Variants in ARMCX4 observed in about 807,000 individuals in gnomAD.
ARMCX4 encodes armadillo repeat containing X-linked 4.
In ARMCX4, 3 loss-of-function variants were observed where a neutral mutation model predicts 34.7. The observed-to-expected ratio is 0.09, with a 90% CI of 0.04 to 0.22. ARMCX4 has a LOEUF of 0.22. Among genes scored for constraint, ARMCX4 ranks in the 10% least tolerant of loss-of-function variants. The probability of loss-of-function intolerance (pLI) is 1.00; values close to 1 mark genes in which losing one functional copy is unlikely to be tolerated. For missense variants in ARMCX4, 1,448 were observed against 1,720.8 expected, an observed-to-expected ratio of 0.84 and a Z score of 2.81; for synonymous variants, 513 against 632.8, an observed-to-expected ratio of 0.81 and a Z score of 2.84.
At chrX:101,480,302 T>C (rs1933392855) in intron 4 of ARMCX4, among the ~76,000 whole-genome samples, 1 of 110,920 alleles carries the variant, frequency 9.0e-6, no homozygotes, top group African/African-American at 3.3e-5. Flanking sequence ...TAGCCCTGGC[T>C]CATGCCTGTA....
At chrX:101,454,138 T>G (rs1303442778) in intron 4 of ARMCX4, among the ~76,000 whole-genome samples, 1 of 110,650 alleles carries the variant, frequency 9.0e-6, no homozygotes, top group African/African-American at 3.3e-5. Context: ...ACACTTGGGA[T>G]GGGGTGGGGA....
intron 2 of ARMCX4, among the ~76,000 whole-genome samples, chrX:101,422,382 C>G (rs957388155): frequency 3.7e-5 from 4 of 108,470 alleles, no homozygotes; most frequent in Non-Finnish European, 7.7e-5. Flanking sequence ...GCTGATCAGT[C>G]AGGTTGGAGA....
intron 11 of ARMCX4, among the ~76,000 whole-genome samples, chrX:101,519,349 A>G (rs1286060156): frequency 2.7e-5 from 3 of 111,375 alleles, no homozygotes; most frequent in Non-Finnish European, 5.7e-5. Flanking sequence ...GCTCCTAGCA[A>G]CCACCATTCT....
At chrX:101,526,189 A>G (rs1364227391) in intron 11 of ARMCX4, among the ~76,000 whole-genome samples, 2 of 112,124 alleles carry the variant, frequency 1.8e-5, no homozygotes, top group Non-Finnish European at 3.8e-5. Context: ...CAACATTCTT[A>G]AAGAAAAGAA....
intron 2 of ARMCX4, among the ~76,000 whole-genome samples, chrX:101,432,883 C>A (rs782713388): frequency 1.6e-5 from 1 of 63,953 alleles, no homozygotes; most frequent in Non-Finnish European, 3.1e-5. Flanking sequence ...CATATGTATA[C>A]GTGTGTATAT....
intron 8 of ARMCX4, among the ~76,000 whole-genome samples, chrX:101,508,423 G>A (rs1056471398): frequency 6.3e-5 from 7 of 111,435 alleles, no homozygotes; most frequent in African/African-American, 2.0e-4. Flanking sequence ...CCACCTTCTT[G>A]TTGTGTCGTC....
chrX:101,493,815 T>C lies in ARMCX4; in HGVS notation c.5226T>C (p.Val1742=). Residue 1742 remains valine, a synonymous_variant, in exon 6 of 6, where the codon GTT becomes GTC. Coordinates refer to ENST00000423738, the MANE Select transcript of ARMCX4 (RefSeq NM_001256155.3). ...GGTTTGGGCCTGGAGCTGAGGCCGT[T>C]ATAGGGTCTTGGTGCTGGACAGAGG... ...GFWFGPGAEA[V]IGSWCWTEEK... 1 of 1,152,490 alleles carries C rather than the reference T, an allele frequency of 8.7e-7. No individual in the cohort carries two copies. Among genetic ancestry groups the C allele is most frequent in the Non-Finnish European group, 1.1e-6 (1 of 871,881 alleles). 95.0% of individuals were successfully genotyped at this position (1,152,490 alleles called of 1,213,427 possible). A position where few individuals can be genotyped will look rare whatever the true frequency, so the allele number is the denominator to read the frequency against.
chrX:101,444,759 G>A (rs1408850562), intron 3 of ARMCX4, among the ~76,000 whole-genome samples: 3 of 112,046 alleles, frequency 2.7e-5, no homozygotes, highest in African/African-American at 9.7e-5. Context: ...TTTGATATAT[G>A]TATACAGTGT....
chrX:101,421,203 CAAAAAAAAA>C (rs545262345), intron 2 of ARMCX4, among the ~76,000 whole-genome samples: 1 of 39,168 alleles, frequency 2.6e-5, no homozygotes, highest in African/African-American at 8.5e-5. Flanking sequence ...AACTCTGTCT[CAAAAAAAAA>C]AAAAAAAAAA....
intron 4 of ARMCX4, among the ~76,000 whole-genome samples, chrX:101,471,739 T>G (rs1258134174): frequency 9.0e-6 from 1 of 111,169 alleles, no homozygotes; most frequent in African/African-American, 3.3e-5. Context: ...GACCTGCAGC[T>G]GAGGGTCCTG....
Position 101,490,913 on chromosome X carries a change from T to G in ARMCX4, c.2324T>G (p.Val775Gly). The stretch of plus-strand genomic sequence containing the variant: ...AAGGTCAAGGCCAATCTTAATGCTG[T>G]GTCTAAGGCAGAAGCTGGGATGGGT... ...KNKVKANLNA[V>G]SKAEAGMGAT... The change falls in exon 6 of 6, where the codon GTG becomes GGG. Residue 775 changes from valine (V) to glycine (G), a missense_variant. Transcript: ENST00000423738. The G allele has an allele frequency of 8.7e-7, 1 of 1,154,238 alleles. No homozygotes were observed.
downstream of ARMCX4, among the ~76,000 whole-genome samples, chrX:101,446,405 A>G (rs1483920226): frequency 6.3e-5 from 7 of 111,424 alleles, no homozygotes; most frequent in African/African-American, 2.0e-4. Flanking sequence ...GGGCAGAATA[A>G]AACAAGGGGG....
chrX:101,438,863 T>C (rs1302239078), intron 2 of ARMCX4, among the ~76,000 whole-genome samples: 2 of 111,409 alleles, frequency 1.8e-5, no homozygotes, highest in Non-Finnish European at 3.8e-5. Flanking sequence ...CCTATGTGTG[T>C]CTCTGCATGT....
chrX:101,502,721 T>C (rs1430768110), intron 7 of ARMCX4, among the ~76,000 whole-genome samples: 1 of 107,298 alleles, frequency 9.3e-6, no homozygotes, highest in Non-Finnish European at 2.0e-5. Context: ...TGTTCTTTAT[T>C]TTTTTTTTAT....
At chrX:101,488,357 C>T in intron 5 of ARMCX4, 87 bp from the exon 6 acceptor site, 1 of 885,021 alleles carries the variant, frequency 1.1e-6, no homozygotes. Context: ...CATGGTTCTA[C>T]CATTTTCTGT....
downstream of ARMCX4, among the ~76,000 whole-genome samples, chrX:101,499,723 G>C (rs992353159): frequency 1.5e-4 from 17 of 112,055 alleles, no homozygotes; most frequent in Admixed American, 7.6e-4. Context: ...CTATGGAGAT[G>C]GTTAACAGAA....
chrX:101,438,694 T>A (rs5951312), intron 2 of ARMCX4, among the ~76,000 whole-genome samples: 4 of 110,586 alleles, frequency 3.6e-5, no homozygotes, highest in African/African-American at 1.3e-4. Context: ...TTAGCTCTTC[T>A]TGTTGAATTG....
intron 11 of ARMCX4, among the ~76,000 whole-genome samples, chrX:101,527,834 A>T (rs1168962408): frequency 8.9e-6 from 1 of 111,760 alleles, no homozygotes; most frequent in African/African-American, 3.2e-5. Context: ...TTGAGGCAAT[A>T]ATTAATAGCC....
At chrX:101,480,935 C>T (rs144647137), upstream of ARMCX4, among the ~76,000 whole-genome samples, 533 of 111,106 alleles carry the variant, frequency 4.8e-3, 6 homozygotes, top group African/African-American at 0.017. Flanking sequence ...CCAACCTGGG[C>T]AACATGGCAA....
Sources: gnomAD v4.1 joint callset for allele counts (sites outside exome capture counted in the v4.1 genomes callset) on GRCh38, gnomAD v4.1.1 for gene constraint, MANE v1.5 for transcripts, NCBI Gene and HGNC (gene_info 2026-07-23, HGNC 2026-07-21) for gene names.